Variants in GFRA2 observed in about 807,000 individuals in gnomAD.
GFRA2 encodes the protein GDNF family receptor alpha-2.
In GFRA2, 17 loss-of-function variants were observed where a neutral mutation model predicts 48.3. The observed-to-expected ratio is 0.35, with a 90% CI of 0.24 to 0.53. The LOEUF is 0.53. GFRA2 is among the 20% of genes least tolerant of loss of function. GFRA2 has a pLI of 0.93. For synonymous variants in GFRA2, 305 were observed against 257.2 expected, an observed-to-expected ratio of 1.19 and a Z score of -1.78; for missense variants, 660 against 637.3, an observed-to-expected ratio of 1.04 and a Z score of -0.38.
chr8:21,799,151 C>T (rs1807727469), intron 2 of GFRA2, among the ~76,000 whole-genome samples: 1 of 152,164 alleles, frequency 6.6e-6, no homozygotes, highest in African/African-American at 2.4e-5. Context: ...CTAACTGACC[C>T]ACACAATAAA....
intron 3 of GFRA2, chr8:21,769,255 C>CCCGCCCCAGCACCGCCCCAGCA (rs1554495644): frequency 4.6e-6 from 3 of 654,080 alleles, no homozygotes; most frequent in African/African-American, 2.2e-5. Flanking sequence ...CCGCCCCAGC[C>CCCGCCCCAGCACCGCCCCAGCA]CCGCCCCTGC....
At chr8:21,784,256 CCT>C (rs1446265257) in intron 1 of GFRA2, 10 of 455,808 alleles carry the variant, frequency 2.2e-5, no homozygotes, top group African/African-American at 8.0e-5. Flanking sequence ...TCCCAGTCCC[CCT>C]GTCCTCTGAT....
At chr8:21,734,460 T>C (rs1370848380) in intron 4 of GFRA2, among the ~76,000 whole-genome samples, 2 of 152,262 alleles carry the variant, frequency 1.3e-5, no homozygotes, top group Non-Finnish European at 2.9e-5. Flanking sequence ...TTTTTAACTT[T>C]GCAGCATTCC....
chr8:21,719,016 G>C (rs1803469426), intron 4 of GFRA2, among the ~76,000 whole-genome samples: 1 of 151,408 alleles, frequency 6.6e-6, no homozygotes, highest in African/African-American at 2.4e-5. Flanking sequence ...CTGCCTCCTT[G>C]GCCCCCCCTT....
Position 21,703,066 on chromosome 8 carries a change from C to A in GFRA2, c.1046-89G>T, listed in dbSNP as rs370686006. ...CTCCTCACACTCTTCACCCTGACCACCCCCTTCCCTGGAATGGTCCAGAAG... is the reference window on the plus strand; with the variant it reads ...CTCCTCACACTCTTCACCCTGACCAACCCCTTCCCTGGAATGGTCCAGAAG... On this transcript the variant is annotated intron_variant, in intron 6 of 8. Transcript: ENST00000524240. 8.2e-5 allele frequency: 65 copies of A among 794,290 alleles called. No homozygotes were observed. The African/African-American group carries it at 9.9e-4, about 12-fold the overall frequency. The allele number at this position is 794,290 out of a possible 1,614,324, so 49.2% of individuals were successfully genotyped here.
At chr8:21,729,019 TG>T (rs1804040471) in intron 4 of GFRA2, among the ~76,000 whole-genome samples, 3 of 152,144 alleles carry the variant, frequency 2.0e-5, no homozygotes, top group Non-Finnish European at 2.9e-5. Context: ...GTCCACCACA[TG>T]GGGCAGTTCA....
intron 3 of GFRA2, among the ~76,000 whole-genome samples, chr8:21,768,205 G>A (rs1465677453): frequency 6.6e-6 from 1 of 152,244 alleles, no homozygotes; most frequent in African/African-American, 2.4e-5. Flanking sequence ...GGTGTCGGAG[G>A]TGACAGAGCT....
At chr8:21,780,013 T>C (rs950387200) in intron 2 of GFRA2, among the ~76,000 whole-genome samples, 4 of 151,272 alleles carry the variant, frequency 2.6e-5, no homozygotes, top group African/African-American at 9.7e-5. Flanking sequence ...TCGCCATCAC[T>C]ACTGTCCGAT....
At chr8:21,694,069 ATTTATTTT>A (rs1294928663) in intron 8 of GFRA2, among the ~76,000 whole-genome samples, 3 of 111,042 alleles carry the variant, frequency 2.7e-5, no homozygotes, top group African/African-American at 3.9e-5. Context: ...ATATATATTT[ATTTATTTT>A]TATATATATA....
intron 4 of GFRA2, among the ~76,000 whole-genome samples, chr8:21,722,194 C>G (rs1312916536): frequency 6.6e-6 from 1 of 152,174 alleles, no homozygotes; most frequent in Non-Finnish European, 1.5e-5. Flanking sequence ...TGCTTTTCCC[C>G]CTCTGTGCCC....
At chr8:21,743,096 C>A (rs1804834228) in intron 4 of GFRA2, among the ~76,000 whole-genome samples, 1 of 152,158 alleles carries the variant, frequency 6.6e-6, no homozygotes, top group Non-Finnish European at 1.5e-5. Context: ...CAGGGAGGGT[C>A]ACTCGGGGAC....
chr8:21,693,498 C>A, intron 8 of GFRA2, 98 bp from the exon 9 acceptor site: 1 of 1,133,840 alleles, frequency 8.8e-7, no homozygotes, highest in Non-Finnish European at 1.3e-6. Context: ...GACTCAGGAA[C>A]TGGACACCTC....
At chr8:21,776,014 T>TGA (rs1806682860) in intron 2 of GFRA2, among the ~76,000 whole-genome samples, 1 of 148,302 alleles carries the variant, frequency 6.7e-6, no homozygotes, top group African/African-American at 2.6e-5. Flanking sequence ...TGTGTGTGTG[T>TGA]GTGTGTGTGT....
Position 21,691,045 on chromosome 8 carries a change from G to C in GFRA2, c.*2233C>G, listed in dbSNP as rs941066594. 6.6e-6 allele frequency: 1 copy of C among 152,212 alleles called. No individual in the cohort carries two copies. Among genetic ancestry groups the C allele is most frequent in the East Asian group, 1.9e-4 (1 of 5,196 alleles). 9.4% of individuals were successfully genotyped at this position (152,212 alleles called of 1,614,324 possible). A position where few individuals can be genotyped will look rare whatever the true frequency, so the allele number is the denominator to read the frequency against. On this transcript the variant is annotated 3_prime_UTR_variant, in exon 9 of 9. Transcript: ENST00000524240. ...GCAATACACCACAGTGATAAACGCT[G>C]TGAACGGATGCTGCTCACACATATA... is the stretch of plus-strand genomic sequence containing the variant.
Position 21,690,979 on chromosome 8 carries a change from C to A in GFRA2, c.*2299G>T, listed in dbSNP as rs1394555028. 1.3e-5 allele frequency: 2 copies of A among 152,210 alleles called. No individual in the cohort carries two copies. Among genetic ancestry groups the A allele is most frequent in the Non-Finnish European group, 2.9e-5 (2 of 68,038 alleles). The allele number at this position is 152,210 out of a possible 1,614,324, so 9.4% of individuals were successfully genotyped here. The stretch of plus-strand genomic sequence containing the variant: ...CTACCCGCAATGGCTGGACAGAGAC[C>A]TGGCTGGCTCACTGTACCCCTTCCA... On this transcript the variant is annotated 3_prime_UTR_variant, in exon 9 of 9. Coordinates refer to ENST00000524240, the MANE Select transcript of GFRA2 (RefSeq NM_001495.5).
chr8:21,754,816 G>C (rs1217875142), intron 3 of GFRA2, among the ~76,000 whole-genome samples: 2 of 152,068 alleles, frequency 1.3e-5, no homozygotes, highest in South Asian at 2.1e-4. Context: ...GCCAACAATA[G>C]CCCTTTAAAG....
chr8:21,708,310 C>T (rs986252654), intron 4 of GFRA2, among the ~76,000 whole-genome samples: 2 of 152,218 alleles, frequency 1.3e-5, no homozygotes, highest in Non-Finnish European at 2.9e-5. Flanking sequence ...CAGGAGACAA[C>T]TCCATCTTAG....
At chr8:21,698,726 T>C (rs1193664942) in intron 7 of GFRA2, among the ~76,000 whole-genome samples, 1 of 152,024 alleles carries the variant, frequency 6.6e-6, no homozygotes, top group African/African-American at 2.4e-5. Flanking sequence ...TGTGTAACAC[T>C]TCATTTGTAA....
intron 2 of GFRA2, among the ~76,000 whole-genome samples, chr8:21,779,067 G>C (rs1333279989): frequency 6.6e-6 from 1 of 151,664 alleles, no homozygotes; most frequent in Non-Finnish European, 1.5e-5. Flanking sequence ...AGTCATAGTA[G>C]CAGGCTCCAG....
Sources: gnomAD v4.1 joint callset for allele counts (sites outside exome capture counted in the v4.1 genomes callset) on GRCh38, gnomAD v4.1.1 for gene constraint, MANE v1.5 for transcripts, NCBI Gene and HGNC (gene_info 2026-07-23, HGNC 2026-07-21) for gene names.